Variants in SRSF9 observed in about 807,000 individuals in gnomAD.
SRSF9 encodes serine and arginine rich splicing factor 9, also known as serine/arginine-rich splicing factor 9.
SRSF9 carries 3 observed loss-of-function variants against 25.9 expected under a neutral mutation model. The observed-to-expected ratio is 0.12, with a 90% CI of 0.05 to 0.30. The LOEUF is 0.30. Ranked by LOEUF, SRSF9 falls within the 10% of genes least tolerant of loss-of-function variation. The pLI is 1.00. For synonymous variants in SRSF9, 114 were observed against 113.2 expected, an observed-to-expected ratio of 1.01 and a Z score of -0.05; for missense variants, 161 against 303.5, an observed-to-expected ratio of 0.53 and a Z score of 3.49.
rs779917548 is a variant in SRSF9, at chr12:120,464,132, G to A, written c.350-10C>T. 4 of 1,608,256 alleles carry A rather than the reference G, an allele frequency of 2.5e-6. No homozygotes were observed. The highest frequency in any genetic ancestry group is 1.1e-5 in the South Asian group (1 of 90,338). On this transcript the variant is annotated splice_polypyrimidine_tract_variant and intron_variant, in intron 2 of 3. Transcript: ENST00000229390. Reference sequence around the variant, plus strand: ...CCTGACGGAGGAAGTCCTAGGCATGGAGAACATAAGAAAGCCCACATCCTT... The same window carrying A: ...CCTGACGGAGGAAGTCCTAGGCATGAAGAACATAAGAAAGCCCACATCCTT...
At chr12:120,467,752 C>A (rs971050338) in intron 1 of SRSF9, among the ~76,000 whole-genome samples, 1 of 151,174 alleles carries the variant, frequency 6.6e-6, no homozygotes, top group African/African-American at 2.4e-5. Flanking sequence ...GACAATGTAG[C>A]GTATCATATA....
At chr12:120,466,012 G>A (rs1197954484) in intron 1 of SRSF9, among the ~76,000 whole-genome samples, 1 of 152,116 alleles carries the variant, frequency 6.6e-6, no homozygotes, top group African/African-American at 2.4e-5. Context: ...TTAGAGGTAT[G>A]AAATTATAAT....
At chr12:120,465,887 G>C in intron 1 of SRSF9, 100 bp from the exon 2 acceptor site, 1 of 1,182,086 alleles carries the variant, frequency 8.5e-7, no homozygotes, top group African/African-American at 1.6e-5. Flanking sequence ...AAGCATAAAA[G>C]GGAAACCTAG....
At chr12:120,464,351 T>C in intron 2 of SRSF9, 1 of 434,898 alleles carries the variant, frequency 2.3e-6, no homozygotes, top group South Asian at 5.3e-5. Context: ...GACCAGGCCT[T>C]TTCAACAGAG....
chr12:120,465,409 A>T, intron 2 of SRSF9: 1 of 411,620 alleles, frequency 2.4e-6, no homozygotes, highest in South Asian at 7.5e-5. Flanking sequence ...CCTTTACAAG[A>T]AATATGGTTA....
chr12:120,462,124 G>A lies in SRSF9; in HGVS notation c.561C>T (p.Ser187=). 6.2e-7 allele frequency: 1 copy of A among 1,613,012 alleles called. No homozygotes were observed. Among genetic ancestry groups the A allele is most frequent in the Non-Finnish European group, 8.5e-7 (1 of 1,179,902 alleles). The change falls in exon 4 of 4, where the codon AGC becomes AGT. Residue 187 remains serine, a synonymous_variant. Transcript: ENST00000229390. ...TSYIRVYPER[S]TSYGYSRSRS... is the part of the protein sequence containing the mutation. ...GAGACCGTGAGTAGCCATAGCTGGTGCTTCTCTCAGGATAAACTCGGATGT... is the reference window on the plus strand; with the variant it reads ...GAGACCGTGAGTAGCCATAGCTGGTACTTCTCTCAGGATAAACTCGGATGT...
chr12:120,469,489 G>T lies in SRSF9; in HGVS notation c.121C>A (p.Arg41Ser). The change falls in exon 1 of 4, where the codon CGC (arginine) becomes AGC (serine). Residue 41 changes from arginine (R) to serine (S), a missense_variant. By Grantham distance (110) the Arg-to-Ser change is moderately radical. Transcript: ENST00000229390. ...EDLFYKYGRI[R>S]EIELKNRHGL... ...TGCCGGTTCTTGAGCTCGATCTCGC[G>T]GATGCGGCCGTACTTGTAGAACAGG... 1 of 1,602,492 alleles carries T rather than the reference G, an allele frequency of 6.2e-7. No individual in the cohort carries two copies. The highest frequency in any genetic ancestry group is 8.5e-7 in the Non-Finnish European group (1 of 1,175,644).
At chr12:120,467,991 A>G (rs75286057) in intron 1 of SRSF9, among the ~76,000 whole-genome samples, 1 of 12,284 alleles carries the variant, frequency 8.1e-5, no homozygotes, top group Non-Finnish European at 1.8e-4. Context: ...GCTACTGGGA[A>G]GCTGAAGCGG....
rs759295143 is a variant in SRSF9, at chr12:120,462,051, G to A, written c.634C>T (p.Pro212Ser). The A allele has an allele frequency of 1.2e-6, 2 of 1,611,804 alleles. No individual in the cohort carries two copies. The highest frequency in any genetic ancestry group is 2.2e-5 in the South Asian group (2 of 90,954). Residue 212 changes from proline (P) to serine (S), a missense_variant, in exon 4 of 4, where the codon CCA becomes TCA. Physicochemically the swap from Pro to Ser is moderately conservative, Grantham distance 74. Coordinates refer to ENST00000229390, the MANE Select transcript of SRSF9 (RefSeq NM_003769.3). ...GGCCTGAAAGGAGAGAAGTAGTGTG[G>A]GGAACCCCTGCTTTGGTATGGAGAG... is the stretch of plus-strand genomic sequence containing the variant. ...RDSPYQSRGS[P>S]HYFSPFRPY
intron 1 of SRSF9, among the ~76,000 whole-genome samples, chr12:120,467,857 G>A (rs943999506): frequency 5.4e-5 from 8 of 147,274 alleles, no homozygotes; most frequent in East Asian, 2.1e-4. Context: ...CATTTTGGGA[G>A]GCTGAGGTGG....
rs1033133321 is a variant in SRSF9, at chr12:120,467,370, G to A, written c.189-1583C>T. On this transcript the variant is annotated intron_variant, in intron 1 of 3. Transcript: ENST00000229390. ...ATAAAAATTAGCTGGGCATGGCATC[G>A]CGCAGCTGTAATCCCAGCTACTCAG... 4.6e-5 allele frequency among the ~76,000 whole-genome samples: 7 copies of A among 152,176 alleles called. No individual in the cohort carries two copies. In the East Asian group the frequency reaches 1.2e-3, roughly 25 times the overall value.
intron 2 of SRSF9, 188 bp downstream of exon 2, chr12:120,465,439 T>C: frequency 1.9e-6 from 1 of 525,430 alleles, no homozygotes; most frequent in African/African-American, 2.0e-5. Context: ...AAGGCTGCAC[T>C]CCCAGCGCAA....
intron 3 of SRSF9, chr12:120,462,973 GCAT>G (rs979595418): frequency 6.6e-6 from 1 of 152,164 alleles, no homozygotes; most frequent in African/African-American, 2.4e-5. Flanking sequence ...CTGAACAAAA[GCAT>G]CATTAAACCA....
Position 120,469,427 on chromosome 12 carries a change from G to T in SRSF9, c.183C>A (p.Asp61Glu), listed in dbSNP as rs756587823. ...CAGGGGCGCGGGGGCCTCACCGGGG[G>T]TCCTCGAAGCGCACGAAGGCGAAGG... ...LVPFAFVRFEDPRDAEDAIYG... is the reference protein window; with the variant it reads ...LVPFAFVRFEEPRDAEDAIYG... Residue 61 changes from aspartate (D) to glutamate (E), a missense_variant, in exon 1 of 4, where the codon GAC (aspartate) becomes GAA (glutamate). By Grantham distance (45) the Asp-to-Glu change is conservative. Around this residue, in one of 3 missense-constraint regions of SRSF9, gnomAD observed 99 missense variants for 156.7 expected, o/e 0.63. Coordinates refer to ENST00000229390, the MANE Select transcript of SRSF9 (RefSeq NM_003769.3). 1 of 1,583,330 alleles carries T rather than the reference G, an allele frequency of 6.3e-7. No individual in the cohort carries two copies. Among genetic ancestry groups the T allele is most frequent in the Non-Finnish European group, 8.6e-7 (1 of 1,166,082 alleles).
At chr12:120,463,172 C>A (rs1179596662) in intron 3 of SRSF9, 1 of 152,158 alleles carries the variant, frequency 6.6e-6, no homozygotes, top group Non-Finnish European at 1.5e-5. Flanking sequence ...GGGATAGTCA[C>A]CACCTCAATC....
Position 120,469,631 on chromosome 12 carries a change from G to A in SRSF9, c.-22C>T, listed in dbSNP as rs966211461. On this transcript the variant is annotated 5_prime_UTR_variant, in exon 1 of 4. Transcript: ENST00000229390. ...ACATCCGCACCGCCCGACGCCGCGG[G>A]CCCGCCGCAGCCCACGTCGCCGCCG... 1 of 1,299,024 alleles carries A rather than the reference G, an allele frequency of 7.7e-7. No homozygotes were observed. Among genetic ancestry groups the A allele is most frequent in the Non-Finnish European group, 9.7e-7 (1 of 1,026,884 alleles). The allele number at this position is 1,299,024 out of a possible 1,614,324, so 80.5% of individuals were successfully genotyped here.
At position 120,463,931 on chromosome 12, in the gene SRSF9, A is replaced by G; in HGVS notation, c.522+19T>C. The G allele has an allele frequency of 1.9e-6, 3 of 1,588,566 alleles. No individual in the cohort carries two copies. Among genetic ancestry groups the G allele is most frequent in the Non-Finnish European group, 2.6e-6 (3 of 1,168,068 alleles). ...GAGTGATTTGAGTACAAGCTCCTCA[A>G]CAGAAGGCAAGGACCCACCTCATGA... On this transcript the variant is annotated intron_variant, in intron 3 of 3. Coordinates refer to ENST00000229390, the MANE Select transcript of SRSF9 (RefSeq NM_003769.3).
intron 1 of SRSF9, 107 bp downstream of exon 1, chr12:120,469,315 C>CG (rs1321999262): frequency 1.9e-5 from 12 of 634,322 alleles, no homozygotes; most frequent in East Asian, 7.4e-5. Context: ...TGCGCGGAGG[C>CG]GGGGGGAGGG....
At chr12:120,463,783 C>A in intron 3 of SRSF9, 167 bp downstream of exon 3, 4 of 689,608 alleles carry the variant, frequency 5.8e-6, no homozygotes, top group Non-Finnish European at 7.1e-6. Context: ...TCAGCTATGA[C>A]CCTGAAGGAC....
Sources: gnomAD v4.1 joint callset for allele counts (sites outside exome capture counted in the v4.1 genomes callset) on GRCh38, gnomAD v4.1.1 for gene constraint, gnomAD v4.1.1 regional missense constraint, MANE v1.5 for transcripts, NCBI Gene and HGNC (gene_info 2026-07-23, HGNC 2026-07-21) for gene names.